Variants in GABRB1 observed in about 807,000 individuals in gnomAD.
The protein encoded by GABRB1 is gamma-aminobutyric acid type A receptor subunit beta1, also known as gamma-aminobutyric acid receptor subunit beta-1.
In GABRB1, 17 loss-of-function variants were observed where a neutral mutation model predicts 51.6. That is an observed-to-expected ratio of 0.33 (90% confidence interval 0.23 to 0.49). GABRB1 has a LOEUF of 0.49. GABRB1 is among the 20% of genes least tolerant of loss of function. The probability of loss-of-function intolerance (pLI) is 0.99; values close to 1 mark genes in which losing one functional copy is unlikely to be tolerated. For missense variants in GABRB1, 410 were observed against 600.6 expected, an observed-to-expected ratio of 0.68 and a Z score of 3.32; for synonymous variants, 247 against 218.9, an observed-to-expected ratio of 1.13 and a Z score of -1.14.
intron 3 of GABRB1, among the ~76,000 whole-genome samples, chr4:47,044,323 A>T (rs1725991655): frequency 6.6e-6 from 1 of 151,700 alleles, no homozygotes; most frequent in Non-Finnish European, 1.5e-5. Context: ...AAGTCCAGAC[A>T]CTCTTGATCT....
In GABRB1 at chr4:47,266,066, T is replaced by C. The variant is rs536478855; in HGVS notation, c.462-54061T>C. Among the ~76,000 whole-genome samples the C allele has an allele frequency of 3.9e-5, 6 of 152,310 alleles. No individual in the cohort carries two copies. The East Asian group carries it at 1.2e-3, about 29-fold the overall frequency. Reference sequence around the variant, plus strand: ...CCAAGATTTTCTTCTACAATTTTTATAGTTTCAGGTCTTACATTTAACCTT... The same window carrying C: ...CCAAGATTTTCTTCTACAATTTTTACAGTTTCAGGTCTTACATTTAACCTT... On this transcript the variant is annotated intron_variant, in intron 4 of 8. Transcript: ENST00000295454.
rs556907848 is a variant in GABRB1, at chr4:47,146,815, C to T, written c.241-14434C>T. ...CATTCTCAGCAAACCGAGTTTTCTG[C>T]GTGACTTTTCTTAAAGGCAATATTT... On this transcript the variant is annotated intron_variant, in intron 3 of 8. Transcript: ENST00000295454. 4.6e-5 allele frequency among the ~76,000 whole-genome samples: 7 copies of T among 152,080 alleles called. 1 individual carries two copies. Among genetic ancestry groups the T allele is most frequent in the South Asian group, 4.1e-4 (2 of 4,826 alleles).
chr4:47,165,173 A>T (rs1326227471), intron 4 of GABRB1, among the ~76,000 whole-genome samples: 1 of 152,016 alleles, frequency 6.6e-6, no homozygotes, highest in East Asian at 1.9e-4. Context: ...GTCACTTAAA[A>T]TTCTTCTGTT....
At chr4:47,035,655 T>C (rs950628352) in intron 3 of GABRB1, among the ~76,000 whole-genome samples, 27 of 151,702 alleles carry the variant, frequency 1.8e-4, no homozygotes, top group Admixed American at 1.2e-3. Context: ...CACACACACA[T>C]ACACACACAC....
At chr4:47,379,275 G>C (rs752114198) in intron 5 of GABRB1, among the ~76,000 whole-genome samples, 2 of 152,124 alleles carry the variant, frequency 1.3e-5, no homozygotes, top group East Asian at 1.9e-4. Flanking sequence ...ATAGTTTGAC[G>C]TATACAATTT....
At chr4:47,296,701 G>C (rs536964807) in intron 4 of GABRB1, among the ~76,000 whole-genome samples, 1 of 152,134 alleles carries the variant, frequency 6.6e-6, no homozygotes, top group Admixed American at 6.5e-5. Context: ...ACAGATCAAC[G>C]AGACAGAAAG....
chr4:47,029,625 TCA>T (rs1158806383), upstream of GABRB1, among the ~76,000 whole-genome samples: 1 of 152,044 alleles, frequency 6.6e-6, no homozygotes, highest in Non-Finnish European at 1.5e-5. Context: ...TTTCCTTTTA[TCA>T]CAGTCATAAA....
intron 5 of GABRB1, among the ~76,000 whole-genome samples, chr4:47,330,650 T>C (rs574083032): frequency 2.6e-5 from 4 of 152,260 alleles, no homozygotes; most frequent in South Asian, 2.1e-4. Context: ...ACATTCCTCA[T>C]TGAGAGGCCA....
intron 4 of GABRB1, among the ~76,000 whole-genome samples, chr4:47,214,925 C>A (rs1043085645): frequency 1.3e-5 from 2 of 152,128 alleles, no homozygotes; most frequent in African/African-American, 4.8e-5. Context: ...AAGTAAAGAC[C>A]ATATTTCTCA....
chr4:47,129,850 G>T (rs1260238880), intron 3 of GABRB1, among the ~76,000 whole-genome samples: 2 of 152,136 alleles, frequency 1.3e-5, no homozygotes, highest in Non-Finnish European at 2.9e-5. Flanking sequence ...TTCAGGAATG[G>T]AAAGTATGTC....
At chr4:47,318,853 G>T (rs1222121454) in intron 4 of GABRB1, among the ~76,000 whole-genome samples, 1 of 152,060 alleles carries the variant, frequency 6.6e-6, no homozygotes, top group Non-Finnish European at 1.5e-5. Context: ...GTAATCATAA[G>T]TTAAACAACA....
chr4:47,122,641 TCTAAGCAGGAG>T (rs746956299), intron 3 of GABRB1, among the ~76,000 whole-genome samples: 31 of 152,128 alleles, frequency 2.0e-4, no homozygotes, highest in Non-Finnish European at 4.4e-4. Flanking sequence ...ACTGGGTGCT[TCTAAGCAGGAG>T]CTAATGTCTC....
intron 5 of GABRB1, among the ~76,000 whole-genome samples, chr4:47,379,834 A>C (rs1727530987): frequency 6.6e-6 from 1 of 152,184 alleles, no homozygotes; most frequent in Non-Finnish European, 1.5e-5. Flanking sequence ...AAGATTTTGG[A>C]AACAGACTAA....
At chr4:47,069,840 C>T (rs1016221243) in intron 3 of GABRB1, among the ~76,000 whole-genome samples, 1 of 152,056 alleles carries the variant, frequency 6.6e-6, no homozygotes, top group Non-Finnish European at 1.5e-5. Context: ...ACTATACTCA[C>T]AATCTCCAAT....
chr4:47,265,421 C>T (rs1445203519), intron 4 of GABRB1, among the ~76,000 whole-genome samples: 5 of 151,978 alleles, frequency 3.3e-5, no homozygotes, highest in Non-Finnish European at 7.4e-5. Context: ...AACATATGAG[C>T]GCAGATATCT....
chr4:47,253,794 C>T (rs1490014496), intron 4 of GABRB1, among the ~76,000 whole-genome samples: 1 of 152,060 alleles, frequency 6.6e-6, no homozygotes, highest in East Asian at 1.9e-4. Flanking sequence ...TTTTAGGGCA[C>T]AATTTTCCAG....
chr4:47,355,013 T>A (rs1726512114), intron 5 of GABRB1, among the ~76,000 whole-genome samples: 1 of 117,648 alleles, frequency 8.5e-6, no homozygotes, highest in Admixed American at 9.2e-5. Context: ...TTTGACAGAA[T>A]CTCTCTCTGT....
At chr4:47,297,515 A>G (rs1224450480) in intron 4 of GABRB1, among the ~76,000 whole-genome samples, 1 of 152,098 alleles carries the variant, frequency 6.6e-6, no homozygotes, top group Non-Finnish European at 1.5e-5. Context: ...TAGAAGAAAT[A>G]GATAAATTCC....
At chr4:47,336,744 T>A (rs1725714437) in intron 5 of GABRB1, among the ~76,000 whole-genome samples, 1 of 152,176 alleles carries the variant, frequency 6.6e-6, no homozygotes, top group Non-Finnish European at 1.5e-5. Flanking sequence ...CACAGAGTGC[T>A]GGAGTGAAAG....
Sources: allele counts gnomAD v4.1 joint callset (sites outside exome capture counted in the v4.1 genomes callset), GRCh38; gene constraint gnomAD v4.1.1; transcripts MANE v1.5; gene names NCBI Gene and HGNC (gene_info 2026-07-23, HGNC 2026-07-21).